The following BACE1 variants were observed in gnomAD, a reference collection of about 807,000 sequenced individuals.
BACE1 encodes APP beta-secretase.
BACE1 carries 21 observed loss-of-function variants against 54.0 expected under a neutral mutation model. That is an observed-to-expected ratio of 0.39 (90% CI 0.28 to 0.56). BACE1 has a LOEUF of 0.56. Among genes scored for constraint, BACE1 ranks in the 20% least tolerant of loss-of-function variants. The pLI, the probability that BACE1 is intolerant of heterozygous loss-of-function variation, is 0.63. For missense variants in BACE1, 511 were observed against 661.2 expected (o/e 0.77, Z 2.49); for synonymous variants, 232 against 260.9 (o/e 0.89, Z 1.07).
Position 117,294,190 on chromosome 11 carries a change from A to G in BACE1, c.568-182T>C, listed in dbSNP as rs1278500870. The G allele has an allele frequency of 1.4e-5, 7 of 515,412 alleles. No individual in the cohort carries two copies. In the African/African-American group the frequency reaches 1.4e-4, roughly 10 times the overall value. 31.9% of individuals were successfully genotyped at this position (515,412 alleles called of 1,614,324 possible). A position where few individuals can be genotyped will look rare whatever the true frequency, so the allele number is the denominator to read the frequency against. ...GGAGCCCTGGCAATGCAAACAGGAC[A>G]GTATTGATAGGTTCACAGATTCATA... On this transcript the variant is annotated intron_variant, in intron 3 of 8. Coordinates refer to ENST00000313005, the MANE Select transcript of BACE1 (RefSeq NM_012104.6).
In BACE1 at chr11:117,315,611, T is replaced by G; in HGVS notation, c.185A>C (p.Glu62Ala). The G allele has an allele frequency of 6.3e-7, 1 of 1,587,712 alleles. No individual in the cohort carries two copies. The highest frequency in any genetic ancestry group is 8.6e-7 in the Non-Finnish European group (1 of 1,168,862). ...CTTGCCCCTCAGGTTGTCCACCATC[T>G]CCACAAAGCTGCCCCTCCGGCCGGG... ...EEPGRRGSFV[E>A]MVDNLRGKSG... Residue 62 changes from glutamate to alanine, a missense_variant, in exon 1 of 9, where the codon GAG becomes GCG. Coordinates refer to ENST00000313005, the MANE Select transcript of BACE1 (RefSeq NM_012104.6). This position sits in a 1 kb window ranked among gnomAD's most constrained non-coding sequence, Gnocchi z 5.5.
intron 2 of BACE1, among the ~76,000 whole-genome samples, chr11:117,295,934 C>A (rs2034587249): frequency 6.6e-6 from 1 of 152,316 alleles, no homozygotes; most frequent in East Asian, 1.9e-4. Context: ...CTAACCAGGG[C>A]TTCTGTGTGT....
At position 117,293,826 on chromosome 11, in the gene BACE1, C is replaced by T. The variant is rs748485131; in HGVS notation, c.705+45G>A. On this transcript the variant is annotated intron_variant, in intron 4 of 8. Coordinates refer to ENST00000313005, the MANE Select transcript of BACE1 (RefSeq NM_012104.6). The surrounding 1 kb of genome is among the most constrained non-coding windows in gnomAD (Gnocchi z 4.1). ...AGGAAGGGGAGAGGATGGCACCCAT[C>T]TCTCCCTCAATGCCAGGACCTCCCC... 1 of 1,573,114 alleles carries T rather than the reference C, an allele frequency of 6.4e-7. No homozygotes were observed. The highest frequency in any genetic ancestry group is 1.2e-5 in the South Asian group (1 of 85,334).
In BACE1 at chr11:117,290,625, G is replaced by T. The variant is rs753376097; in HGVS notation, c.1127C>A (p.Ser376Tyr). The part of the protein sequence containing the change: ...YLRPVEDVAT[S>Y]QDDCYKFAIS... Reference sequence around the variant, plus strand: ...GGCAAACTTGTAACAGTCGTCTTGGGACGTGGCCACATCTTCCACTGGCCG... The same window carrying T: ...GGCAAACTTGTAACAGTCGTCTTGGTACGTGGCCACATCTTCCACTGGCCG... Residue 376 changes from serine (S) to tyrosine (Y), a missense_variant, in exon 8 of 9, where the codon TCC becomes TAC. Physicochemically the swap from Ser to Tyr is moderately radical, Grantham distance 144. Transcript: ENST00000313005. 6.2e-7 allele frequency: 1 copy of T among 1,614,200 alleles called. No individual in the cohort carries two copies. Among genetic ancestry groups the T allele is most frequent in the South Asian group, 1.1e-5 (1 of 91,082 alleles).
Position 117,290,937 on chromosome 11 carries a change from A to T in BACE1, c.1055T>A (p.Val352Asp). ...GGTGATGCGGAAGGACTGGTTGGTA[A>T]CCTCACCCATTAGGTAGAGTGAGAT... ...PVISLYLMGE[V>D]TNQSFRITIL... The change falls in exon 7 of 9, where the codon GTT (valine) becomes GAT (aspartate). Residue 352 changes from valine to aspartate, a missense_variant. Val to Asp is a radical substitution (Grantham distance 152). This residue lies in a region of BACE1 where 407 missense variants were observed against 565.7 expected (regional missense o/e 0.72). Transcript: ENST00000313005. The T allele has an allele frequency of 6.2e-7, 1 of 1,614,096 alleles. No homozygotes were observed. Among genetic ancestry groups the T allele is most frequent in the Non-Finnish European group, 8.5e-7 (1 of 1,180,010 alleles).
rs1384893638 is a variant in BACE1 at position 117,289,341 on chromosome 11, G to A, written c.*225C>T. 7 of 624,882 alleles carry A rather than the reference G, an allele frequency of 1.1e-5. No homozygotes were observed. The highest frequency in any genetic ancestry group is 1.8e-5 in the Non-Finnish European group (7 of 384,022). The allele number at this position is 624,882 out of a possible 1,614,324, so 38.7% of individuals were successfully genotyped here. On this transcript the variant is annotated 3_prime_UTR_variant, in exon 9 of 9. Coordinates refer to ENST00000313005, the MANE Select transcript of BACE1 (RefSeq NM_012104.6). ...ATTTGAGGTGACCAAGAGTATTCCCGCCAGCAGAGTGCTTCTTTCTTCTCT... is the reference window on the plus strand; with the variant it reads ...ATTTGAGGTGACCAAGAGTATTCCCACCAGCAGAGTGCTTCTTTCTTCTCT...
At position 117,289,350 on chromosome 11, in the gene BACE1, G is replaced by A; in HGVS notation, c.*216C>T. 2 of 679,014 alleles carry A rather than the reference G, an allele frequency of 2.9e-6. No individual in the cohort carries two copies. The highest frequency in any genetic ancestry group is 2.4e-5 in the South Asian group (1 of 41,066). The allele number at this position is 679,014 out of a possible 1,614,324, so 42.1% of individuals were successfully genotyped here. ...GACCAAGAGTATTCCCGCCAGCAGA[G>A]TGCTTCTTTCTTCTCTTTTCTGTTT... On this transcript the variant is annotated 3_prime_UTR_variant, in exon 9 of 9. Coordinates refer to ENST00000313005, the MANE Select transcript of BACE1 (RefSeq NM_012104.6).
At chr11:117,312,371 C>A (rs1429079719) in intron 1 of BACE1, among the ~76,000 whole-genome samples, 1 of 152,222 alleles carries the variant, frequency 6.6e-6, no homozygotes, top group Non-Finnish European at 1.5e-5. Context: ...ATGCTCAGAG[C>A]ACATGTCCCT....
intron 3 of BACE1, 193 bp from the exon 4 acceptor site, chr11:117,294,201 G>A: frequency 2.2e-6 from 1 of 446,070 alleles, no homozygotes; most frequent in Non-Finnish European, 3.9e-6. Context: ...GTATTGATAG[G>A]TTCACAGATT....
intron 1 of BACE1, among the ~76,000 whole-genome samples, chr11:117,311,003 C>T (rs1336473037): frequency 6.7e-6 from 1 of 148,212 alleles, no homozygotes; most frequent in African/African-American, 2.5e-5. Context: ...TTTTTGGAGA[C>T]AGGGTCTCTG....
At chr11:117,303,000 T>C (rs2034757567) in intron 1 of BACE1, among the ~76,000 whole-genome samples, 1 of 152,252 alleles carries the variant, frequency 6.6e-6, no homozygotes, top group Admixed American at 6.5e-5. Flanking sequence ...TACTAAGGTA[T>C]CACGGTGCCT....
At chr11:117,304,170 T>A (rs1297450674) in intron 1 of BACE1, among the ~76,000 whole-genome samples, 4 of 152,382 alleles carry the variant, frequency 2.6e-5, no homozygotes, top group East Asian at 3.9e-4. Context: ...AGAGGCTTGA[T>A]AAGCACTTGT....
chr11:117,307,628 A>G (rs1470601294), intron 1 of BACE1, among the ~76,000 whole-genome samples: 1 of 152,028 alleles, frequency 6.6e-6, no homozygotes, highest in Admixed American at 6.6e-5. Context: ...TGGATTTTCA[A>G]CTGGAATTTT....
intron 3 of BACE1, chr11:117,294,327 G>T (rs1358349412): frequency 5.6e-6 from 1 of 177,914 alleles, no homozygotes; most frequent in African/African-American, 2.4e-5. Context: ...AGTGATTCTC[G>T]TGCCTCAGCC....
At chr11:117,301,503 G>A (rs1002648175) in intron 1 of BACE1, among the ~76,000 whole-genome samples, 1 of 152,158 alleles carries the variant, frequency 6.6e-6, no homozygotes, top group African/African-American at 2.4e-5. Flanking sequence ...CTGCTACTCA[G>A]GAGGCTGAGG....
chr11:117,294,273 A>G (rs1032657388), intron 3 of BACE1: 7 of 247,672 alleles, frequency 2.8e-5, no homozygotes, highest in African/African-American at 9.1e-5. Context: ...CTGGAGTGCA[A>G]TGTTACGATC....
At chr11:117,304,610 T>C (rs879303149) in intron 1 of BACE1, among the ~76,000 whole-genome samples, 2 of 152,242 alleles carry the variant, frequency 1.3e-5, no homozygotes, top group African/African-American at 2.4e-5. Context: ...TGTGCATCTT[T>C]GCATATATTT....
rs2034451565 is a variant in BACE1, at chr11:117,291,922, G to T, written c.841-109C>A. 7.4e-6 allele frequency: 5 copies of T among 677,998 alleles called. No homozygotes were observed. In the South Asian group the frequency reaches 8.1e-5, roughly 11 times the overall value. 42.0% of individuals were successfully genotyped at this position (677,998 alleles called of 1,614,324 possible). ...CAGCTGGGTTGGCATCTTGGCTTTG[G>T]CACCTCCTAAGTGTACCTGCTTGGA... is the stretch of plus-strand genomic sequence containing the variant. On this transcript the variant is annotated intron_variant, in intron 5 of 8. Transcript: ENST00000313005.
rs183867623 is a variant in BACE1, at chr11:117,289,296, A to T, written c.*270T>A. The T allele has an allele frequency of 1.4e-4, 60 of 432,380 alleles. No homozygotes were observed. The highest frequency in any genetic ancestry group is 6.6e-4 in the Middle Eastern group (1 of 1,512). The allele number at this position is 432,380 out of a possible 1,614,324, so 26.8% of individuals were successfully genotyped here. A position where few individuals can be genotyped will look rare whatever the true frequency, so the allele number is the denominator to read the frequency against. On this transcript the variant is annotated 3_prime_UTR_variant, in exon 9 of 9. Coordinates refer to ENST00000313005, the MANE Select transcript of BACE1 (RefSeq NM_012104.6). ...AAGGTTCAGGGCTGAAGTTTCAAGC[A>T]GCAGAATTTCCCGACTTAAATTTGA...
Sources: allele counts gnomAD v4.1 joint callset (sites outside exome capture counted in the v4.1 genomes callset), GRCh38; gene constraint gnomAD v4.1.1; regional missense constraint gnomAD v4.1.1; non-coding constraint Gnocchi (gnomAD v3.1); transcripts MANE v1.5; gene names NCBI Gene and HGNC (gene_info 2026-07-23, HGNC 2026-07-21).